Variants in PCDH7 observed in about 807,000 individuals in gnomAD.
PCDH7 encodes protocadherin 7, also known as protocadherin-7.
A neutral mutation model predicts 58.9 loss-of-function variants in PCDH7; 17 were observed. The observed-to-expected ratio is 0.29, with a 90% confidence interval of 0.20 to 0.43. The LOEUF (loss-of-function observed/expected upper bound fraction) is 0.43, where lower values mean the gene tolerates loss of function less well. PCDH7 is among the 20% of genes least tolerant of loss of function. PCDH7 has a pLI of 1.00. For synonymous variants in PCDH7, 664 were observed against 616.4 expected (o/e 1.08, Z -1.14); for missense variants, 1,274 against 1,441.0 (o/e 0.88, Z 1.88).
In PCDH7 at chr4:31,031,548, G is replaced by A. The variant is rs1040794246; in HGVS notation, c.*7+81333G>A. ...GGAAGGATAGTTTATGAATGGATGC[G>A]GACAGATGTTGATGTCAGATTAAAG... is the stretch of plus-strand genomic sequence containing the variant. On this transcript the variant is annotated intron_variant, in intron 3 of 3. Transcript: ENST00000509759. 4.3e-4 allele frequency among the ~76,000 whole-genome samples: 65 copies of A among 152,202 alleles called. 1 individual carries two copies. The highest frequency in any genetic ancestry group is 2.2e-4 in the African/African-American group (9 of 41,526).
intron 1 of PCDH7, among the ~76,000 whole-genome samples, chr4:30,897,637 T>C (rs1009426844): frequency 6.6e-6 from 1 of 152,230 alleles, no homozygotes; most frequent in Non-Finnish European, 1.5e-5. Flanking sequence ...CCTAAATTTC[T>C]TAACAGAAGT....
intron 3 of PCDH7, among the ~76,000 whole-genome samples, chr4:30,961,571 C>CA (rs754307077): frequency 7.4e-5 from 11 of 149,144 alleles, no homozygotes; most frequent in Admixed American, 2.7e-4. Flanking sequence ...AAACAAAAAA[C>CA]AAAAAAAAAC....
chr4:30,926,212 T>C (rs974441166), intron 2 of PCDH7, among the ~76,000 whole-genome samples: 14 of 150,378 alleles, frequency 9.3e-5, no homozygotes, highest in Non-Finnish European at 1.5e-4. Flanking sequence ...TGAGATGGAG[T>C]CTCACTCTGC....
At chr4:30,897,631 A>G (rs1231646660) in intron 1 of PCDH7, among the ~76,000 whole-genome samples, 3 of 152,186 alleles carry the variant, frequency 2.0e-5, no homozygotes, top group African/African-American at 7.2e-5. Context: ...ATAATTCCTA[A>G]ATTTCTTAAC....
At chr4:31,045,152 T>C (rs980689700) in intron 3 of PCDH7, among the ~76,000 whole-genome samples, 1 of 152,076 alleles carries the variant, frequency 6.6e-6, no homozygotes, top group Non-Finnish European at 1.5e-5. Context: ...ACTGTGACTT[T>C]AGAAAATAAA....
At chr4:30,809,860 C>G (rs1726752600) in intron 1 of PCDH7, among the ~76,000 whole-genome samples, 3 of 152,096 alleles carry the variant, frequency 2.0e-5, no homozygotes, top group Admixed American at 2.0e-4. Context: ...TGTCCCTGGC[C>G]CCAGTGCTAT....
Position 30,764,200 on chromosome 4 carries a change from G to A in PCDH7, c.70+39604G>A, listed in dbSNP as rs79879107. Among the ~76,000 whole-genome samples the A allele has an allele frequency of 7.9e-3, 1,199 of 152,206 alleles. 13 individuals are homozygous for A. The highest frequency in any genetic ancestry group is 0.025 in the African/African-American group (1,021 of 41,510). Reference sequence around the variant, plus strand: ...CAGGAGAGAATCCTTACCTGGATTCGTAAAGTTACACACACTTCATTGACA... The same window carrying A: ...CAGGAGAGAATCCTTACCTGGATTCATAAAGTTACACACACTTCATTGACA... On this transcript the variant is annotated intron_variant, in intron 1 of 3. Coordinates refer to the PCDH7 transcript ENST00000509759.
At chr4:30,746,651 T>C (rs1717815372) in intron 1 of PCDH7, among the ~76,000 whole-genome samples, 2 of 152,350 alleles carry the variant, frequency 1.3e-5, no homozygotes, top group Admixed American at 1.3e-4. Flanking sequence ...ATGCATTGGT[T>C]GGCATAGCCT....
chr4:30,948,029 T>C (rs1746917902), intron 2 of PCDH7, among the ~76,000 whole-genome samples: 1 of 152,100 alleles, frequency 6.6e-6, no homozygotes, highest in Non-Finnish European at 1.5e-5. Flanking sequence ...TATCCTTCTA[T>C]GTTGTTTTGG....
intron 1 of PCDH7, among the ~76,000 whole-genome samples, chr4:30,860,935 T>C (rs555466218): frequency 2.6e-5 from 4 of 152,190 alleles, no homozygotes; most frequent in Non-Finnish European, 4.4e-5. Context: ...GCTGTTTACA[T>C]AGGACACTTT....
chr4:31,077,776 G>C (rs1759129619), intron 3 of PCDH7, among the ~76,000 whole-genome samples: 1 of 152,156 alleles, frequency 6.6e-6, no homozygotes, highest in South Asian at 2.1e-4. Context: ...AAGGCCTTCA[G>C]CAATACTTTC....
At chr4:30,982,598 C>T (rs1750662707) in intron 3 of PCDH7, among the ~76,000 whole-genome samples, 1 of 152,174 alleles carries the variant, frequency 6.6e-6, no homozygotes, top group Non-Finnish European at 1.5e-5. Context: ...TATATTTCCT[C>T]CTTTTCAAAA....
chr4:31,030,103 A>G (rs1224184658), intron 3 of PCDH7, among the ~76,000 whole-genome samples: 1 of 151,184 alleles, frequency 6.6e-6, no homozygotes, highest in Non-Finnish European at 1.5e-5. Flanking sequence ...GACTGACAGG[A>G]CAGCCTTTGT....
intron 1 of PCDH7, among the ~76,000 whole-genome samples, chr4:30,860,480 T>A (rs922789530): frequency 2.0e-5 from 3 of 152,106 alleles, no homozygotes; most frequent in Admixed American, 2.0e-4. Flanking sequence ...AGCTTTAGGA[T>A]TTCTTAATTA....
intron 3 of PCDH7, among the ~76,000 whole-genome samples, chr4:31,069,733 T>C (rs1161165590): frequency 2.0e-5 from 3 of 152,034 alleles, no homozygotes; most frequent in Non-Finnish European, 4.4e-5. Context: ...CCTGTTCATG[T>C]GGCATATTTT....
At chr4:31,116,532 T>C (rs1253296498) in intron 3 of PCDH7, among the ~76,000 whole-genome samples, 1 of 152,168 alleles carries the variant, frequency 6.6e-6, no homozygotes, top group East Asian at 1.9e-4. Flanking sequence ...GCACCATTGT[T>C]TGCGCAAGTA....
intron 1 of PCDH7, among the ~76,000 whole-genome samples, chr4:30,886,140 A>G (rs1322139384): frequency 6.6e-6 from 1 of 151,152 alleles, no homozygotes; most frequent in Non-Finnish European, 1.5e-5. Flanking sequence ...ATTAAACTAA[A>G]GAGCTTCTGC....
At chr4:30,999,711 T>C (rs1004228566) in intron 3 of PCDH7, among the ~76,000 whole-genome samples, 3 of 152,304 alleles carry the variant, frequency 2.0e-5, no homozygotes, top group East Asian at 3.9e-4. Flanking sequence ...CACCAATTAA[T>C]GCAGATGATG....
At chr4:30,953,805 T>C (rs1333292298) in intron 3 of PCDH7, among the ~76,000 whole-genome samples, 1 of 152,142 alleles carries the variant, frequency 6.6e-6, no homozygotes, top group African/African-American at 2.4e-5. Context: ...AAGAAGTCCA[T>C]TCATCATTCT....
Sources: gnomAD v4.1 joint callset for allele counts (sites outside exome capture counted in the v4.1 genomes callset) on GRCh38, gnomAD v4.1.1 for gene constraint, MANE v1.5 for transcripts, NCBI Gene and HGNC (gene_info 2026-07-23, HGNC 2026-07-21) for gene names.